The following TAS2R1 variants were observed in gnomAD, a reference collection of about 807,000 sequenced individuals.
The protein encoded by TAS2R1 is taste 2 receptor member 1, also known as taste receptor type 2 member 1.
For synonymous variants in TAS2R1, 141 were observed against 134.2 expected, an observed-to-expected ratio of 1.05 and a Z score of -0.35; for missense variants, 370 against 353.4, an observed-to-expected ratio of 1.05 and a Z score of -0.38.
chr5:9,899,562 G>C, the TAS2R1 span, among the ~76,000 whole-genome samples: 1 of 151,714 alleles, frequency 6.6e-6, no homozygotes, highest in African/African-American at 2.4e-5. Flanking sequence ...GCTTGAACCC[G>C]GGAGGTGGAG....
chr5:9,774,140 T>G, the TAS2R1 span, among the ~76,000 whole-genome samples: 13 of 152,236 alleles, frequency 8.5e-5, no homozygotes, highest in Non-Finnish European at 1.6e-4. Context: ...TCTGACTGTG[T>G]ATTTTCAAAT....
chr5:9,734,111 A>T, the TAS2R1 span, among the ~76,000 whole-genome samples: 1 of 152,284 alleles, frequency 6.6e-6, no homozygotes, highest in East Asian at 1.9e-4. Flanking sequence ...TGTAAAAGAC[A>T]TGTGAGAGAG....
intron 1 of TAS2R1, among the ~76,000 whole-genome samples, chr5:9,709,998 G>A (rs1741698348): frequency 6.6e-6 from 1 of 152,228 alleles, no homozygotes; most frequent in African/African-American, 2.4e-5. Flanking sequence ...TTGCCAGTAG[G>A]TGAGTTTTGG....
the TAS2R1 span, among the ~76,000 whole-genome samples, chr5:9,741,036 T>C: frequency 6.6e-6 from 1 of 152,212 alleles, no homozygotes; most frequent in Admixed American, 6.5e-5. Context: ...CAGCCGCTCA[T>C]TAAATACTGA....
chr5:9,665,485 C>T (rs1740613751), intron 1 of TAS2R1, among the ~76,000 whole-genome samples: 1 of 152,248 alleles, frequency 6.6e-6, no homozygotes, highest in African/African-American at 2.4e-5. Context: ...TAGTCACTCA[C>T]AATCAGTAAG....
At chr5:9,888,984 G>T in the TAS2R1 span, among the ~76,000 whole-genome samples, 3 of 152,238 alleles carry the variant, frequency 2.0e-5, no homozygotes, top group Non-Finnish European at 4.4e-5. Flanking sequence ...TTATGCAGAA[G>T]CCTGAAGGCC....
the TAS2R1 span, among the ~76,000 whole-genome samples, chr5:9,747,926 G>C: frequency 4.2e-3 from 633 of 152,126 alleles, 4 homozygotes; most frequent in African/African-American, 0.015. Context: ...TACCTGGGGA[G>C]CTGGGATGGG....
In TAS2R1 at chr5:9,629,537, T is replaced by C; in HGVS notation, c.496A>G (p.Ile166Val). ...LRKFFSQNAT[I>V]QKEDTLAIQI... ...ATAGCCAGTGTATCTTCTTTTTGAATTGTGGCATTTTGGGAGAAAAATTTC... is the reference window on the plus strand; with the variant it reads ...ATAGCCAGTGTATCTTCTTTTTGAACTGTGGCATTTTGGGAGAAAAATTTC... The change falls in exon 1 of 1, where the codon ATT becomes GTT. Residue 166 changes from isoleucine to valine, a missense_variant. Coordinates refer to ENST00000382492, the MANE Select transcript of TAS2R1 (RefSeq NM_019599.3). 2 of 1,614,038 alleles carry C rather than the reference T, an allele frequency of 1.2e-6. No homozygotes were observed. Among genetic ancestry groups the C allele is most frequent in the Admixed American group, 1.7e-5 (1 of 59,972 alleles).
the TAS2R1 span, among the ~76,000 whole-genome samples, chr5:9,729,626 GTTTGT>G: frequency 1.3e-5 from 2 of 152,074 alleles, no homozygotes; most frequent in Non-Finnish European, 2.9e-5. Flanking sequence ...CAATGTGCAG[GTTTGT>G]TTGAATGGAG....
At chr5:9,885,764 T>C in the TAS2R1 span, among the ~76,000 whole-genome samples, 3 of 152,148 alleles carry the variant, frequency 2.0e-5, no homozygotes, top group African/African-American at 7.2e-5. Context: ...GGAGAATACA[T>C]GGCAGCAAAT....
chr5:9,757,842 A>C, the TAS2R1 span, among the ~76,000 whole-genome samples: 1 of 152,280 alleles, frequency 6.6e-6, no homozygotes, highest in African/African-American at 2.4e-5. Flanking sequence ...TAATCTTTAA[A>C]ACTCTGTAGG....
At chr5:9,640,216 G>C (rs1467443134) in intron 2 of TAS2R1, among the ~76,000 whole-genome samples, 2 of 151,978 alleles carry the variant, frequency 1.3e-5, no homozygotes, top group East Asian at 1.9e-4. Context: ...GAGTGCAATG[G>C]GACAGCCGGG....
At chr5:9,666,995 T>TA (rs1391069723) in intron 1 of TAS2R1, among the ~76,000 whole-genome samples, 5 of 152,094 alleles carry the variant, frequency 3.3e-5, no homozygotes, top group Non-Finnish European at 5.9e-5. Flanking sequence ...TAAAAAAAGA[T>TA]AAAAAAGGTC....
At chr5:9,639,768 T>G (rs1223708127) in intron 2 of TAS2R1, among the ~76,000 whole-genome samples, 1 of 152,230 alleles carries the variant, frequency 6.6e-6, no homozygotes, top group Non-Finnish European at 1.5e-5. Flanking sequence ...ATCTATCCTC[T>G]GCTAACTTCA....
At chr5:9,648,989 C>A (rs1740252165) in intron 2 of TAS2R1, among the ~76,000 whole-genome samples, 1 of 152,154 alleles carries the variant, frequency 6.6e-6, no homozygotes, top group Non-Finnish European at 1.5e-5. Context: ...CTGAGGTCCA[C>A]AATTGCTAAT....
the TAS2R1 span, among the ~76,000 whole-genome samples, chr5:9,771,664 T>C: frequency 3.9e-5 from 6 of 152,268 alleles, no homozygotes; most frequent in Admixed American, 3.3e-4. Context: ...GCTGGGAGAC[T>C]TTTTATTATG....
chr5:9,884,299 C>T, the TAS2R1 span, among the ~76,000 whole-genome samples: 1 of 151,604 alleles, frequency 6.6e-6, no homozygotes, highest in Non-Finnish European at 1.5e-5. Context: ...CACAAGAAAC[C>T]CTGTCTCTAC....
the TAS2R1 span, among the ~76,000 whole-genome samples, chr5:9,731,267 C>T: frequency 6.6e-6 from 1 of 152,162 alleles, no homozygotes; most frequent in Non-Finnish European, 1.5e-5. Flanking sequence ...ACCTGAACCT[C>T]CTCACTGACT....
intron 1 of TAS2R1, among the ~76,000 whole-genome samples, chr5:9,676,224 T>C (rs74342065): frequency 0.013 from 1,952 of 152,302 alleles, 39 homozygotes; most frequent in African/African-American, 0.044. Flanking sequence ...TATGATACTT[T>C]TGATGAGCTG....
Sources: gnomAD v4.1 joint callset for allele counts (sites outside exome capture counted in the v4.1 genomes callset) on GRCh38, gnomAD v4.1.1 for gene constraint, MANE v1.5 for transcripts, NCBI Gene and HGNC (gene_info 2026-07-23, HGNC 2026-07-21) for gene names.